The following KCND2 variants were observed in gnomAD, a reference collection of about 807,000 sequenced individuals.
KCND2 encodes potassium voltage-gated channel subfamily D member 2, also known as A-type voltage-gated potassium channel KCND2.
Under a neutral mutation model 54.4 loss-of-function variants are expected in KCND2, and 16 were observed. The ratio of observed to expected loss-of-function variants is 0.29; its 90% CI spans 0.20 to 0.45. The LOEUF (loss-of-function observed/expected upper bound fraction) is 0.45. Among genes scored for constraint, KCND2 ranks in the 20% least tolerant of loss-of-function variants. KCND2 has a pLI of 1.00. For missense variants in KCND2, 486 were observed against 824.2 expected, an observed-to-expected ratio of 0.59 and a Z score of 5.02; for synonymous variants, 317 against 310.7, an observed-to-expected ratio of 1.02 and a Z score of -0.21.
At chr7:120,630,548 A>C (rs965913163) in intron 1 of KCND2, among the ~76,000 whole-genome samples, 1 of 152,178 alleles carries the variant, frequency 6.6e-6, no homozygotes, top group African/African-American at 2.4e-5. Flanking sequence ...ACAGCTTATT[A>C]TTAATTTTAA....
At chr7:120,677,550 TATATAGATATATAG>T (rs1562906441) in intron 1 of KCND2, among the ~76,000 whole-genome samples, 1 of 129,548 alleles carries the variant, frequency 7.7e-6, no homozygotes, top group African/African-American at 3.0e-5. Flanking sequence ...TAGATATAGA[TATATAGATATATAG>T]ATATATAGAT....
At chr7:120,709,209 G>A (rs192378221) in intron 1 of KCND2, among the ~76,000 whole-genome samples, 248 of 152,126 alleles carry the variant, frequency 1.6e-3, no homozygotes, top group African/African-American at 5.6e-3. Context: ...CTCTTGACTT[G>A]TGATATTTTT....
At chr7:120,577,078 T>A (rs1584835793) in intron 1 of KCND2, among the ~76,000 whole-genome samples, 1 of 151,802 alleles carries the variant, frequency 6.6e-6, no homozygotes, top group Non-Finnish European at 1.5e-5. Flanking sequence ...ACCCGGGGGG[T>A]TGAAGTTGCA....
At chr7:120,564,546 A>G (rs1792274083) in intron 1 of KCND2, among the ~76,000 whole-genome samples, 1 of 152,182 alleles carries the variant, frequency 6.6e-6, no homozygotes, top group African/African-American at 2.4e-5. Context: ...AGACAACCTT[A>G]AAAATTAACC....
Position 120,742,584 on chromosome 7 carries a change from C to A in KCND2, c.1449C>A (p.His483Gln), listed in dbSNP as rs2116179416. The A allele has an allele frequency of 2.5e-6, 4 of 1,613,470 alleles. No homozygotes were observed. The highest frequency in any genetic ancestry group is 1.7e-5 in the Admixed American group (1 of 59,972). ...AAACCCAGCACCACCACCTGCTTCACTGCCTGGAAAAAACCACGGTAAGGA... is the reference window on the plus strand; with the variant it reads ...AAACCCAGCACCACCACCTGCTTCAATGCCTGGAAAAAACCACGGTAAGGA... The part of the protein sequence containing the change: ...SFETQHHHLL[H>Q]CLEKTTNHEF... The change falls in exon 4 of 6, where the codon CAC becomes CAA. Residue 483 changes from histidine to glutamine, a missense_variant. His to Gln is a conservative substitution (Grantham distance 24). Around this residue, in one of 7 missense-constraint regions of KCND2, gnomAD observed 202 missense variants for 252.7 expected, o/e 0.80. Transcript: ENST00000331113.
intron 1 of KCND2, among the ~76,000 whole-genome samples, chr7:120,639,067 A>G (rs1378237170): frequency 6.6e-6 from 1 of 152,140 alleles, no homozygotes; most frequent in Non-Finnish European, 1.5e-5. Flanking sequence ...TCTCATATAT[A>G]CTGGAAAGAA....
Position 120,515,562 on chromosome 7 carries a change from T to C in KCND2, c.1116-217341T>C, listed in dbSNP as rs191955453. On this transcript the variant is annotated intron_variant, in intron 1 of 5. Transcript: ENST00000331113. ...AGAACCTACAATCTCTGAAGAAGGT[T>C]CCCGTGGAGCTGAGACCCACACCTT... is the stretch of plus-strand genomic sequence containing the variant. Among the ~76,000 whole-genome samples, 405 of 152,072 alleles carry C rather than the reference T, an allele frequency of 2.7e-3. 1 individual carries two copies. The highest frequency in any genetic ancestry group is 9.3e-3 in the African/African-American group (385 of 41,504).
intron 1 of KCND2, among the ~76,000 whole-genome samples, chr7:120,400,627 A>G (rs535377849): frequency 5.9e-5 from 9 of 151,678 alleles, no homozygotes; most frequent in African/African-American, 9.8e-5. Flanking sequence ...TATTTAATCA[A>G]TTAAACTACC....
intron 1 of KCND2, among the ~76,000 whole-genome samples, chr7:120,407,090 A>T (rs1801372253): frequency 6.6e-6 from 1 of 151,988 alleles, no homozygotes; most frequent in Admixed American, 6.6e-5. Context: ...ATACACCTTC[A>T]TGGCGCTATG....
chr7:120,508,635 G>A (rs1803064086), intron 1 of KCND2, among the ~76,000 whole-genome samples: 1 of 151,934 alleles, frequency 6.6e-6, no homozygotes, highest in East Asian at 1.9e-4. Flanking sequence ...AAATCAATGG[G>A]AAAAAAGTGC....
chr7:120,322,373 G>A (rs181470957), intron 1 of KCND2, among the ~76,000 whole-genome samples: 14 of 152,126 alleles, frequency 9.2e-5, no homozygotes, highest in Admixed American at 9.2e-4. Context: ...GCTTCACATA[G>A]GTAGAACATC....
intron 1 of KCND2, among the ~76,000 whole-genome samples, chr7:120,694,056 TA>T (rs1242535302): frequency 1.3e-5 from 2 of 152,274 alleles, no homozygotes; most frequent in East Asian, 3.9e-4. Context: ...ATTGCACCAC[TA>T]AAAGAAAATA....
At chr7:120,304,927 T>G (rs946421719) in intron 1 of KCND2, among the ~76,000 whole-genome samples, 1 of 152,182 alleles carries the variant, frequency 6.6e-6, no homozygotes, top group Non-Finnish European at 1.5e-5. Context: ...GCTAATACGT[T>G]GAAATGCTCT....
intron 1 of KCND2, among the ~76,000 whole-genome samples, chr7:120,327,728 C>T (rs760690941): frequency 6.6e-6 from 1 of 151,042 alleles, no homozygotes; most frequent in Non-Finnish European, 1.5e-5. Context: ...TGCATATTGT[C>T]TAATCACTCT....
intron 1 of KCND2, among the ~76,000 whole-genome samples, chr7:120,427,341 A>G (rs1051989617): frequency 6.6e-6 from 1 of 152,202 alleles, no homozygotes; most frequent in Non-Finnish European, 1.5e-5. Flanking sequence ...GACCCTTGAC[A>G]GTTTGCCCCT....
chr7:120,601,084 C>A (rs1170003461), intron 1 of KCND2, among the ~76,000 whole-genome samples: 1 of 151,934 alleles, frequency 6.6e-6, no homozygotes, highest in African/African-American at 2.4e-5. Flanking sequence ...TTTTTCTGTG[C>A]AAACCCTTAT....
intron 1 of KCND2, among the ~76,000 whole-genome samples, chr7:120,680,007 A>G (rs975805391): frequency 1.3e-5 from 2 of 152,106 alleles, no homozygotes; most frequent in Non-Finnish European, 2.9e-5. Flanking sequence ...GTAGACATAG[A>G]TAAGAGAATT....
At chr7:120,414,199 T>G (rs998409321) in intron 1 of KCND2, among the ~76,000 whole-genome samples, 5 of 152,126 alleles carry the variant, frequency 3.3e-5, no homozygotes, top group African/African-American at 9.7e-5. Context: ...AAAGATGCAC[T>G]ATAATAGTTA....
chr7:120,596,578 AGT>A (rs1792748459), intron 1 of KCND2, among the ~76,000 whole-genome samples: 1 of 152,204 alleles, frequency 6.6e-6, no homozygotes, highest in Non-Finnish European at 1.5e-5. Context: ...TTTTGAACTC[AGT>A]GTGTTTGATC....
Sources: allele counts gnomAD v4.1 joint callset (sites outside exome capture counted in the v4.1 genomes callset), GRCh38; gene constraint gnomAD v4.1.1; regional missense constraint gnomAD v4.1.1; transcripts MANE v1.5; gene names NCBI Gene and HGNC (gene_info 2026-07-23, HGNC 2026-07-21).